PCF11: variants seen among roughly 807,000 people sequenced by gnomAD.
PCF11 encodes pre-mRNA cleavage complex 2 protein Pcf11.
In PCF11, 19 loss-of-function variants were observed where a neutral mutation model predicts 166.1. The observed-to-expected ratio is 0.11, with a 90% confidence interval of 0.08 to 0.17. The LOEUF (loss-of-function observed/expected upper bound fraction) is 0.17. Among genes scored for constraint, PCF11 ranks in the 10% least tolerant of loss-of-function variants. The pLI is 1.00. For missense variants in PCF11, 1,565 were observed against 1,855.5 expected (o/e 0.84, Z 2.88); for synonymous variants, 663 against 644.1 (o/e 1.03, Z -0.44).
chr11:83,167,876 T>G lies in PCF11; in HGVS notation c.2092+371T>G, dbSNP rs1029331557. 22 of 1,307,462 alleles carry G rather than the reference T, an allele frequency of 1.7e-5. No homozygotes were observed. Among genetic ancestry groups the G allele is most frequent in the Non-Finnish European group, 2.2e-5 (22 of 1,001,322 alleles). 81.0% of individuals were successfully genotyped at this position (1,307,462 alleles called of 1,614,324 possible). ...CACCCCATGAGGGCCGGAGAAGACA[T>G]GACGAGCAAGTCTCTGCTAAAGGTA... On this transcript the variant is annotated intron_variant, in intron 7 of 15. Coordinates refer to ENST00000298281, the Ensembl canonical transcript of PCF11. This position sits in a 1 kb window ranked among gnomAD's most constrained non-coding sequence, Gnocchi z 4.2.
chr11:83,182,703 TAGTC>T (rs1861125263), intron 14 of PCF11, among the ~76,000 whole-genome samples: 1 of 152,214 alleles, frequency 6.6e-6, no homozygotes, highest in East Asian at 1.9e-4. Context: ...GTTGCACTAT[TAGTC>T]AGTGACAGAC....
At chr11:83,174,505 C>T (rs1222706429) in intron 9 of PCF11, among the ~76,000 whole-genome samples, 1 of 151,856 alleles carries the variant, frequency 6.6e-6, no homozygotes, top group South Asian at 2.1e-4. Flanking sequence ...AGGCATGAGC[C>T]ACCACACTCG....
chr11:83,179,923 A>C (rs1590938098), intron 11 of PCF11, among the ~76,000 whole-genome samples: 2 of 152,116 alleles, frequency 1.3e-5, no homozygotes, highest in East Asian at 3.9e-4. Context: ...CCGTCTCCAA[A>C]AAAAACGGGC....
At chr11:83,181,559 C>T (rs1466332545) in intron 12 of PCF11, among the ~76,000 whole-genome samples, 3 of 146,892 alleles carry the variant, frequency 2.0e-5, no homozygotes, top group African/African-American at 7.5e-5. Context: ...AGCCTACAGG[C>T]TTGTTCTAGC....
chr11:83,169,771 C>T (rs1238064846), exon 8 of PCF11: 12 of 1,613,562 alleles, frequency 7.4e-6, no homozygotes, highest in Non-Finnish European at 9.3e-6. Flanking sequence ...TTTTAATGCC[C>T]CATCCCAAGG....
exon 13 of PCF11, chr11:83,181,948 A>T: frequency 6.2e-7 from 1 of 1,613,026 alleles, no homozygotes; most frequent in Non-Finnish European, 8.5e-7. Flanking sequence ...CTCAAAACTC[A>T]AGAGGCTGCT....
At chr11:83,169,540 C>G in exon 8 of PCF11, 1 of 1,613,986 alleles carries the variant, frequency 6.2e-7, no homozygotes, top group Non-Finnish European at 8.5e-7. Context: ...GACTCCTGGT[C>G]AGCCAGGCCC....
chr11:83,169,839 T>C (rs1860620145), exon 8 of PCF11: 1 of 1,613,712 alleles, frequency 6.2e-7, no homozygotes, highest in South Asian at 1.1e-5. Context: ...CAAATTTTAA[T>C]GGACCACATG....
At chr11:83,185,702 T>G (rs1324632498) in exon 16 of PCF11, 1 of 152,634 alleles carries the variant, frequency 6.6e-6, no homozygotes, top group Non-Finnish European at 1.5e-5. Context: ...TTGCTTGAGA[T>G]ATGGTTAACT....
chr11:83,157,252 C>T, exon 1 of PCF11: 1 of 598,090 alleles, frequency 1.7e-6, no homozygotes, highest in Non-Finnish European at 3.0e-6. Flanking sequence ...AGATCACCCG[C>T]GAGACGGCGG....
chr11:83,181,431 G>T (rs964507669), intron 12 of PCF11, among the ~76,000 whole-genome samples: 8 of 149,496 alleles, frequency 5.4e-5, no homozygotes, highest in African/African-American at 2.0e-4. Flanking sequence ...TTAGAGTATA[G>T]CATACAGGCT....
At chr11:83,169,595 T>G (rs201242372) in exon 8 of PCF11, 530 of 1,613,972 alleles carry the variant, frequency 3.3e-4, no homozygotes, top group Non-Finnish European at 4.4e-4. Flanking sequence ...CAACCCAGAT[T>G]TGACGGTGTA....
At chr11:83,171,335 CTG>C (rs761598087) in intron 8 of PCF11, 9 of 452,482 alleles carry the variant, frequency 2.0e-5, no homozygotes, top group South Asian at 1.4e-4. Context: ...CTTTTGATAT[CTG>C]TGGAAAAGTG....
chr11:83,168,552 T>C (rs915635090), exon 8 of PCF11: 1 of 1,614,024 alleles, frequency 6.2e-7, no homozygotes, highest in Non-Finnish European at 8.5e-7. Flanking sequence ...TGGATACAAA[T>C]CAGCGACTTA....
chr11:83,157,801 C>G (rs1158467130), intron 1 of PCF11, 170 bp downstream of exon 1: 3 of 630,390 alleles, frequency 4.8e-6, no homozygotes. Context: ...GAGCATGGGC[C>G]TCTGGGGGGG....
rs869126679 is a variant in PCF11, at chr11:83,173,719, C to CTTTTTT, written c.3757+1828_3757+1833dup. On this transcript the variant is annotated intron_variant, in intron 9 of 15. Transcript: ENST00000298281. Reference sequence around the variant, plus strand: ...AATTTTCTTGTTTCTTTCTTTCTTTCTTTTTTTTTTTTTTTTTTTTTTTTT... The same window carrying CTTTTTT: ...AATTTTCTTGTTTCTTTCTTTCTTTCTTTTTTTTTTTTTTTTTTTTTTTTTTTTTTT... 2.0e-3 allele frequency among the ~76,000 whole-genome samples: 119 copies of CTTTTTT among 59,064 alleles called. 1 individual carries two copies. The highest frequency in any genetic ancestry group is 4.0e-3 in the East Asian group (6 of 1,516). The allele number at this position is 59,064 out of a possible 152,430, so 38.7% of individuals were successfully genotyped here. A position where few individuals can be genotyped will look rare whatever the true frequency, so the allele number is the denominator to read the frequency against.
At chr11:83,178,646 T>C (rs538268368) in intron 11 of PCF11, among the ~76,000 whole-genome samples, 15 of 151,940 alleles carry the variant, frequency 9.9e-5, no homozygotes, top group Non-Finnish European at 1.5e-4. Context: ...ACCCCGTCTC[T>C]ACTAAAAATA....
At chr11:83,165,149 C>CTGAGCTTATTCGACAG (rs1386956857) in intron 4 of PCF11, among the ~76,000 whole-genome samples, 2 of 152,176 alleles carry the variant, frequency 1.3e-5, no homozygotes, top group Non-Finnish European at 2.9e-5. Context: ...TGCTTAGCAT[C>CTGAGCTTATTCGACAG]TGAGCTTATT....
At chr11:83,163,967 T>C (rs1020301003) in intron 3 of PCF11, 100 bp downstream of exon 3, 10 of 604,956 alleles carry the variant, frequency 1.7e-5, no homozygotes, top group Non-Finnish European at 2.7e-5. Context: ...GAATACTCGG[T>C]AGTGAATTGG....
Sources: gnomAD v4.1 joint callset for allele counts (sites outside exome capture counted in the v4.1 genomes callset) on GRCh38, gnomAD v4.1.1 for gene constraint, Gnocchi (gnomAD v3.1) non-coding constraint, MANE v1.5 for transcripts, NCBI Gene and HGNC (gene_info 2026-07-23, HGNC 2026-07-21) for gene names.